The following AGBL4 variants were observed in gnomAD, a reference collection of about 807,000 sequenced individuals.
The protein encoded by AGBL4 is cytosolic carboxypeptidase 6.
AGBL4 carries 58 observed loss-of-function variants against 66.4 expected under a neutral mutation model. The observed-to-expected ratio is 0.87, with a 90% CI of 0.71 to 1.09. The LOEUF is 1.09. Ranked by LOEUF, AGBL4 falls within the 50% of genes least tolerant of loss-of-function variation. The pLI is 0.00. For missense variants in AGBL4, 579 were observed against 631.0 expected, an observed-to-expected ratio of 0.92 and a Z score of 0.88; for synonymous variants, 234 against 222.9, an observed-to-expected ratio of 1.05 and a Z score of -0.44.
At chr1:49,232,206 A>G (rs999126303) in intron 4 of AGBL4, among the ~76,000 whole-genome samples, 1 of 152,208 alleles carries the variant, frequency 6.6e-6, no homozygotes, top group Non-Finnish European at 1.5e-5. Context: ...TACACTTCAG[A>G]TAAGTGAACT....
chr1:49,620,011 A>T (rs1002977319), intron 3 of AGBL4, among the ~76,000 whole-genome samples: 1 of 152,212 alleles, frequency 6.6e-6, no homozygotes, highest in African/African-American at 2.4e-5. Context: ...CTAAAACCAT[A>T]AAAACCCTAG....
chr1:49,704,135 A>G (rs971401836), intron 2 of AGBL4, among the ~76,000 whole-genome samples: 6 of 152,072 alleles, frequency 3.9e-5, no homozygotes, highest in Non-Finnish European at 5.9e-5. Flanking sequence ...AGGAACCACA[A>G]TCAAATTCTG....
At chr1:49,120,467 G>T (rs150204165) in intron 4 of AGBL4, among the ~76,000 whole-genome samples, 120 of 152,240 alleles carry the variant, frequency 7.9e-4, no homozygotes, top group African/African-American at 2.9e-3. Context: ...AAGTTGAAAA[G>T]TCTTTTCTTG....
chr1:48,889,888 G>T (rs918332921), intron 5 of AGBL4, among the ~76,000 whole-genome samples: 6 of 152,162 alleles, frequency 3.9e-5, no homozygotes, highest in African/African-American at 1.4e-4. Flanking sequence ...TTGGGACTGG[G>T]ACGGGGAGGA....
chr1:49,333,275 C>G (rs931900123), intron 3 of AGBL4, among the ~76,000 whole-genome samples: 1 of 152,132 alleles, frequency 6.6e-6, no homozygotes, highest in East Asian at 1.9e-4. Flanking sequence ...GTCAGGAGAT[C>G]AATACCATCC....
At chr1:49,477,221 T>C (rs149452238) in intron 3 of AGBL4, among the ~76,000 whole-genome samples, 1 of 152,104 alleles carries the variant, frequency 6.6e-6, no homozygotes, top group African/African-American at 2.4e-5. Flanking sequence ...TGAGCAAACA[T>C]AGGTGGTAGC....
chr1:49,307,942 G>A (rs546919594), intron 3 of AGBL4, among the ~76,000 whole-genome samples: 2 of 152,266 alleles, frequency 1.3e-5, no homozygotes, highest in African/African-American at 2.4e-5. Flanking sequence ...AATCCCCAGT[G>A]TTGGAGGTGG....
At chr1:49,801,626 A>G (rs1242044793) in intron 2 of AGBL4, among the ~76,000 whole-genome samples, 1 of 152,210 alleles carries the variant, frequency 6.6e-6, no homozygotes, top group African/African-American at 2.4e-5. Flanking sequence ...TAGGCTTTAC[A>G]TGACATTATT....
chr1:49,541,513 A>G (rs1266032905), intron 3 of AGBL4, among the ~76,000 whole-genome samples: 2 of 152,220 alleles, frequency 1.3e-5, no homozygotes, highest in Non-Finnish European at 2.9e-5. Context: ...GTCCCCCAGC[A>G]GTGCCGGCCT....
chr1:49,790,401 A>T (rs1232262133), intron 2 of AGBL4, among the ~76,000 whole-genome samples: 1 of 151,768 alleles, frequency 6.6e-6, no homozygotes, highest in Non-Finnish European at 1.5e-5. Context: ...GTAAACCCCA[A>T]GCAAGGCAAG....
At position 49,045,877 on chromosome 1, in the gene AGBL4, T is replaced by C. The variant is rs1644066712; in HGVS notation, c.378-77A>G. On this transcript the variant is annotated intron_variant, in intron 4 of 13. Coordinates refer to ENST00000371839, the MANE Select transcript of AGBL4 (RefSeq NM_032785.4). ...TCAAAAGGTAATACATATAAATCAA[T>C]GCCTGGAGAAAAACTGTAACATCAA... is the stretch of plus-strand genomic sequence containing the variant. 3.1e-5 allele frequency: 38 copies of C among 1,218,590 alleles called. No homozygotes were observed. In the South Asian group the frequency reaches 5.0e-4, roughly 16 times the overall value. The allele number at this position is 1,218,590 out of a possible 1,614,324, so 75.5% of individuals were successfully genotyped here.
chr1:49,913,196 T>C (rs1181543467), intron 1 of AGBL4, among the ~76,000 whole-genome samples: 1 of 152,220 alleles, frequency 6.6e-6, no homozygotes, highest in Non-Finnish European at 1.5e-5. Context: ...ACTCAAGGCA[T>C]GATTCTTCCT....
intron 7 of AGBL4, 143 bp downstream of exon 7, chr1:48,663,009 A>C: frequency 1.4e-6 from 1 of 693,064 alleles, no homozygotes; most frequent in South Asian, 1.9e-5. Flanking sequence ...AACCTAATGG[A>C]GATCAGGTAA....
intron 3 of AGBL4, among the ~76,000 whole-genome samples, chr1:49,443,908 A>G (rs533640935): frequency 1.8e-4 from 28 of 151,810 alleles, no homozygotes; most frequent in Non-Finnish European, 3.7e-4. Flanking sequence ...TAATTACTAT[A>G]AACTTCACTC....
intron 3 of AGBL4, among the ~76,000 whole-genome samples, chr1:49,282,688 G>A (rs1431682990): frequency 6.6e-6 from 1 of 152,204 alleles, no homozygotes; most frequent in Non-Finnish European, 1.5e-5. Flanking sequence ...CCAAAGCAGG[G>A]CGAGGCATTG....
At chr1:49,353,033 TTAAGTA>T (rs1643943341) in intron 3 of AGBL4, among the ~76,000 whole-genome samples, 1 of 152,134 alleles carries the variant, frequency 6.6e-6, no homozygotes, top group African/African-American at 2.4e-5. Flanking sequence ...TCAAACTAGT[TTAAGTA>T]TTATCCCTTT....
chr1:49,789,154 A>C (rs888966849), intron 2 of AGBL4, among the ~76,000 whole-genome samples: 1 of 152,028 alleles, frequency 6.6e-6, no homozygotes, highest in Non-Finnish European at 1.5e-5. Context: ...TATTGATTTG[A>C]GTATGTTGAA....
chr1:49,454,693 T>C, intron 3 of AGBL4, among the ~76,000 whole-genome samples: 1 of 151,680 alleles, frequency 6.6e-6, no homozygotes, highest in East Asian at 1.9e-4. Context: ...CAATATTTTC[T>C]GAATGCTAGG....
chr1:49,001,672 T>C (rs1246248464), intron 5 of AGBL4, among the ~76,000 whole-genome samples: 1 of 152,206 alleles, frequency 6.6e-6, no homozygotes, highest in Non-Finnish European at 1.5e-5. Flanking sequence ...GCTTCCTACA[T>C]GTCTAGCCAA....
Sources: allele counts gnomAD v4.1 joint callset (sites outside exome capture counted in the v4.1 genomes callset), GRCh38; gene constraint gnomAD v4.1.1; transcripts MANE v1.5; gene names NCBI Gene and HGNC (gene_info 2026-07-23, HGNC 2026-07-21).